LRRC27: variants seen among roughly 807,000 people sequenced by gnomAD.
LRRC27 encodes leucine-rich repeat-containing protein 27.
Under a neutral mutation model 55.0 loss-of-function variants are expected in LRRC27, and 57 were observed. That is an observed-to-expected ratio of 1.04 (90% CI 0.84 to 1.29). The LOEUF (loss-of-function observed/expected upper bound fraction) is 1.29. Ranked by LOEUF, LRRC27 falls within the 50% of genes most tolerant of loss-of-function variation. LRRC27 has a pLI of 0.00. For synonymous variants in LRRC27, 278 were observed against 251.9 expected, an observed-to-expected ratio of 1.10 and a Z score of -0.98; for missense variants, 721 against 651.5, an observed-to-expected ratio of 1.11 and a Z score of -1.16.
At chr10:132,332,632 G>A (rs1564815247) in intron 1 of LRRC27, 1 of 151,978 alleles carries the variant, frequency 6.6e-6, no homozygotes, top group Non-Finnish European at 1.5e-5. Context: ...TCCGTGATTC[G>A]GAGAAAACAA....
At chr10:132,332,658 A>G (rs1263573499) in intron 1 of LRRC27, 2 of 151,558 alleles carry the variant, frequency 1.3e-5, no homozygotes, top group Non-Finnish European at 2.9e-5. Context: ...CTGACCGTGA[A>G]AAAGCCCGCG....
chr10:132,340,772 T>A (rs567703568), intron 3 of LRRC27, among the ~76,000 whole-genome samples: 1 of 149,860 alleles, frequency 6.7e-6, no homozygotes, highest in South Asian at 2.1e-4. Flanking sequence ...GAGACCAGCC[T>A]GGCCAACATG....
Position 132,376,791 on chromosome 10 carries a change from A to C in LRRC27, c.*1549A>C, listed in dbSNP as rs1167778128. ...GTTTTGTGTGTGTCAGGTGACATTG[A>C]CTAATCCTGTTGCTCAGAGCTCCTG... On this transcript the variant is annotated 3_prime_UTR_variant, in exon 11 of 11. Coordinates refer to ENST00000368614, the MANE Select transcript of LRRC27 (RefSeq NM_030626.3). 1.3e-5 allele frequency: 2 copies of C among 152,292 alleles called. No homozygotes were observed. Among genetic ancestry groups the C allele is most frequent in the African/African-American group, 4.8e-5 (2 of 41,464 alleles). The allele number at this position is 152,292 out of a possible 1,614,324, so 9.4% of individuals were successfully genotyped here.
intron 9 of LRRC27, among the ~76,000 whole-genome samples, chr10:132,364,485 A>ACCCGCG (rs1590718327): frequency 3.1e-5 from 3 of 96,192 alleles, no homozygotes; most frequent in African/African-American, 9.9e-5. Context: ...ACCCACCCAC[A>ACCCGCG]CTTACACCCA....
In LRRC27 at chr10:132,378,196, A is replaced by G. The variant is rs993800701; in HGVS notation, c.*2954A>G. ...TCTCAAAAAAAAAAAAAAAAGATTCAATGTTCATTGTTATTTGTTGCTCCT... is the reference window on the plus strand; with the variant it reads ...TCTCAAAAAAAAAAAAAAAAGATTCGATGTTCATTGTTATTTGTTGCTCCT... On this transcript the variant is annotated 3_prime_UTR_variant, in exon 11 of 11. Coordinates refer to ENST00000368614, the MANE Select transcript of LRRC27 (RefSeq NM_030626.3). 1.7e-4 allele frequency: 25 copies of G among 150,878 alleles called. No homozygotes were observed. The highest frequency in any genetic ancestry group is 3.0e-4 in the Non-Finnish European group (20 of 67,494). 9.3% of individuals were successfully genotyped at this position (150,878 alleles called of 1,614,324 possible). A position where few individuals can be genotyped will look rare whatever the true frequency, so the allele number is the denominator to read the frequency against.
Position 132,375,057 on chromosome 10 carries a change from T to G in LRRC27, c.1417-9T>G. 1 of 1,600,016 alleles carries G rather than the reference T, an allele frequency of 6.2e-7. No individual in the cohort carries two copies. Among genetic ancestry groups the G allele is most frequent in the Non-Finnish European group, 8.5e-7 (1 of 1,170,506 alleles). On this transcript the variant is annotated splice_polypyrimidine_tract_variant and intron_variant, in intron 10 of 10. Transcript: ENST00000368614. ...TTTCTAACATCTCCCCCTCCTTGTC[T>G]CCCATAAGGCCACAGAGCTACAGGA...
At chr10:132,353,203 T>C in intron 7 of LRRC27, 1 of 1,370,742 alleles carries the variant, frequency 7.3e-7, no homozygotes, top group Admixed American at 3.1e-5. Context: ...TCGTCTTTAC[T>C]TTCCCGGCTT....
Position 132,379,672 on chromosome 10 carries a change from T to A in LRRC27, c.*4430T>A, listed in dbSNP as rs1437744741. ...ATTTTTTGTGGATGCCGATTCTCTG[T>A]TGAAATTCTCCATCTTTTCATTTCC... On this transcript the variant is annotated 3_prime_UTR_variant, in exon 11 of 11. Transcript: ENST00000368614. 1.3e-5 allele frequency: 2 copies of A among 152,228 alleles called. No homozygotes were observed. The highest frequency in any genetic ancestry group is 2.9e-5 in the Non-Finnish European group (2 of 68,040). 9.4% of individuals were successfully genotyped at this position (152,228 alleles called of 1,614,324 possible). A position where few individuals can be genotyped will look rare whatever the true frequency, so the allele number is the denominator to read the frequency against.
chr10:132,337,420 G>A (rs774018742), intron 2 of LRRC27, 145 bp from the exon 3 acceptor site: 163 of 1,431,288 alleles, frequency 1.1e-4, no homozygotes, highest in Non-Finnish European at 1.4e-4. Context: ...CATCTTTTAA[G>A]GGTAAGAGAT....
At chr10:132,331,350 CACAGG>C (rs2066722764), upstream of LRRC27, 4 of 1,395,266 alleles carry the variant, frequency 2.9e-6, no homozygotes, top group East Asian at 2.4e-5. Context: ...TCCAGGGTTC[CACAGG>C]ACCACGCGAG....
intron 10 of LRRC27, among the ~76,000 whole-genome samples, chr10:132,370,477 A>C (rs975460570): frequency 4.0e-5 from 6 of 151,818 alleles, no homozygotes; most frequent in African/African-American, 1.4e-4. Flanking sequence ...GGGTTTTAAA[A>C]CTCCCAAGAA....
intron 2 of LRRC27, chr10:132,337,210 TGCGGCAGGCACTGGAGAAACG>T (rs1354160773): frequency 8.5e-7 from 1 of 1,174,854 alleles, no homozygotes; most frequent in Non-Finnish European, 1.1e-6. Context: ...GGCCAGGTGC[TGCGGCAGGCACTGGAGAAACG>T]GCCGAGACAC....
At position 132,344,833 on chromosome 10, in the gene LRRC27, T is replaced by G. The variant is rs2138702281; in HGVS notation, c.553+183T>G. On this transcript the variant is annotated intron_variant, in intron 5 of 10. Coordinates refer to ENST00000368614, the MANE Select transcript of LRRC27 (RefSeq NM_030626.3). ...ACCCAGTCATCTCTGTGACTTTTCC[T>G]TGGTTCTATAAATCTGGGCACATTA... The G allele has an allele frequency of 1.4e-5, 8 of 552,014 alleles. No homozygotes were observed. In the South Asian group the frequency reaches 2.0e-4, roughly 14 times the overall value. 34.2% of individuals were successfully genotyped at this position (552,014 alleles called of 1,614,324 possible).
At chr10:132,344,323 C>T (rs1253250694) in intron 4 of LRRC27, among the ~76,000 whole-genome samples, 175 bp from the exon 5 acceptor site, 9 of 152,152 alleles carry the variant, frequency 5.9e-5, no homozygotes, top group African/African-American at 1.9e-4. Context: ...TTGCGGAATC[C>T]GTCTCCTGCA....
chr10:132,331,457 C>G (rs1345897149), upstream of LRRC27: 1 of 1,611,942 alleles, frequency 6.2e-7, no homozygotes, highest in Admixed American at 1.7e-5. Context: ...GCCCCCCTCA[C>G]TCCTCCGTCC....
rs759668600 is a variant in LRRC27 at position 132,376,104 on chromosome 10, A to G, written c.*862A>G. On this transcript the variant is annotated 3_prime_UTR_variant, in exon 11 of 11. Transcript: ENST00000368614. ...TTCCTCATTTCATCCAAGTTGTGCAATGTATCAGCATAAAGTTCCTCTTAT... is the reference window on the plus strand; with the variant it reads ...TTCCTCATTTCATCCAAGTTGTGCAGTGTATCAGCATAAAGTTCCTCTTAT... 1 of 152,232 alleles carries G rather than the reference A, an allele frequency of 6.6e-6. No individual in the cohort carries two copies. Among genetic ancestry groups the G allele is most frequent in the Non-Finnish European group, 1.5e-5 (1 of 68,048 alleles). 9.4% of individuals were successfully genotyped at this position (152,232 alleles called of 1,614,324 possible). A position where few individuals can be genotyped will look rare whatever the true frequency, so the allele number is the denominator to read the frequency against.
intron 4 of LRRC27, among the ~76,000 whole-genome samples, chr10:132,343,907 G>A (rs1475730263): frequency 4.6e-5 from 7 of 152,192 alleles, no homozygotes; most frequent in East Asian, 1.9e-4. Flanking sequence ...TGCCCACCAC[G>A]GGAGCCTTAC....
chr10:132,338,595 A>G (rs1047576762), intron 3 of LRRC27, among the ~76,000 whole-genome samples: 1 of 151,776 alleles, frequency 6.6e-6, no homozygotes, highest in African/African-American at 2.4e-5. Flanking sequence ...TACTCTCACT[A>G]TGGAGACGTC....
chr10:132,364,408 C>CACGTCCACACTTACACCCACCCACACTT (rs2068837046), intron 9 of LRRC27, among the ~76,000 whole-genome samples: 1 of 149,486 alleles, frequency 6.7e-6, no homozygotes, highest in African/African-American at 2.5e-5. Context: ...CATCTACCTC[C>CACGTCCACACTTACACCCACCCACACTT]ACACCCGCGC....
Sources: allele counts gnomAD v4.1 joint callset (sites outside exome capture counted in the v4.1 genomes callset), GRCh38; gene constraint gnomAD v4.1.1; transcripts MANE v1.5; gene names NCBI Gene and HGNC (gene_info 2026-07-23, HGNC 2026-07-21).